FGF12: variants seen among roughly 807,000 people sequenced by gnomAD.
FGF12 encodes fibroblast growth factor 12B.
In FGF12, 14 loss-of-function variants were observed where a neutral mutation model predicts 23.6. That is an observed-to-expected ratio of 0.59 (90% CI 0.39 to 0.93). FGF12 has a LOEUF of 0.93. Among genes scored for constraint, FGF12 ranks in the 40% least tolerant of loss-of-function variants. The pLI, the probability that FGF12 is intolerant of heterozygous loss-of-function variation, is 0.00. For synonymous variants in FGF12, 62 were observed against 77.3 expected, an observed-to-expected ratio of 0.80 and a Z score of 1.04; for missense variants, 175 against 217.8, an observed-to-expected ratio of 0.80 and a Z score of 1.24.
intron 4 of FGF12, among the ~76,000 whole-genome samples, chr3:192,253,387 A>G (rs1036174150): frequency 6.6e-6 from 1 of 152,062 alleles, no homozygotes; most frequent in African/African-American, 2.4e-5. Flanking sequence ...CGCATATTAC[A>G]TAAGTACTTA....
intron 2 of FGF12, among the ~76,000 whole-genome samples, chr3:192,537,937 T>G (rs967894767): frequency 6.7e-6 from 1 of 150,094 alleles, no homozygotes; most frequent in Non-Finnish European, 1.5e-5. Flanking sequence ...GGTCTTAGAT[T>G]TAAGCCTTTA....
intron 2 of FGF12, among the ~76,000 whole-genome samples, chr3:192,606,557 T>G (rs1714345673): frequency 6.6e-6 from 1 of 152,106 alleles, no homozygotes; most frequent in African/African-American, 2.4e-5. Flanking sequence ...TAATAATAAA[T>G]TAGTGCACAT....
chr3:192,313,875 T>A (rs1347585328), intron 4 of FGF12, among the ~76,000 whole-genome samples: 1 of 152,244 alleles, frequency 6.6e-6, no homozygotes, highest in African/African-American at 2.4e-5. Flanking sequence ...CTATGGACTG[T>A]AAGTCTCTAT....
intron 4 of FGF12, among the ~76,000 whole-genome samples, chr3:192,263,277 A>C (rs1712875437): frequency 6.6e-6 from 1 of 152,108 alleles, no homozygotes; most frequent in East Asian, 1.9e-4. Context: ...ATTTAGTATC[A>C]AGGCATTGAT....
intron 2 of FGF12, among the ~76,000 whole-genome samples, chr3:192,404,682 G>T (rs184301071): frequency 9.9e-5 from 15 of 152,200 alleles, no homozygotes; most frequent in Admixed American, 3.3e-4. Flanking sequence ...TGTTCTAAAG[G>T]CTTTTTCATG....
intron 2 of FGF12, among the ~76,000 whole-genome samples, chr3:192,386,591 A>G (rs947358737): frequency 6.6e-6 from 1 of 152,188 alleles, no homozygotes; most frequent in African/African-American, 2.4e-5. Flanking sequence ...AATAAATATG[A>G]GTATGAAAGT....
chr3:192,701,289 A>C (rs150639593), intron 2 of FGF12, among the ~76,000 whole-genome samples: 1 of 152,156 alleles, frequency 6.6e-6, no homozygotes, highest in African/African-American at 2.4e-5. Context: ...ACCAACATAC[A>C]TCTTACAGGT....
intron 2 of FGF12, among the ~76,000 whole-genome samples, chr3:192,562,147 A>T (rs900929213): frequency 2.0e-5 from 3 of 152,208 alleles, no homozygotes; most frequent in Admixed American, 2.0e-4. Context: ...GTTTCAAAAT[A>T]GTATAGACTG....
intron 4 of FGF12, among the ~76,000 whole-genome samples, chr3:192,256,914 G>A (rs1391467266): frequency 6.6e-6 from 1 of 152,052 alleles, no homozygotes; most frequent in Non-Finnish European, 1.5e-5. Flanking sequence ...ATTAATATTT[G>A]TTTTCACCAT....
intron 4 of FGF12, among the ~76,000 whole-genome samples, chr3:192,319,632 A>G (rs989662010): frequency 2.0e-5 from 3 of 152,014 alleles, no homozygotes; most frequent in Non-Finnish European, 2.9e-5. Context: ...ATAACTACAA[A>G]AACCTTTCAA....
At chr3:192,495,830 A>G (rs1723939039) in intron 2 of FGF12, among the ~76,000 whole-genome samples, 3 of 151,944 alleles carry the variant, frequency 2.0e-5, no homozygotes, top group African/African-American at 7.3e-5. Context: ...ACCCCCAACT[A>G]ATTTATATAT....
chr3:192,433,935 G>T (rs368628920), intron 2 of FGF12, among the ~76,000 whole-genome samples: 2 of 152,254 alleles, frequency 1.3e-5, no homozygotes, highest in African/African-American at 4.8e-5. Flanking sequence ...CATCAGGAGG[G>T]CTGGCAATGA....
chr3:192,222,766 T>C (rs1718541230), intron 4 of FGF12, among the ~76,000 whole-genome samples: 1 of 152,166 alleles, frequency 6.6e-6, no homozygotes, highest in African/African-American at 2.4e-5. Flanking sequence ...GGTAAATCTA[T>C]TCCATCAAAA....
intron 4 of FGF12, among the ~76,000 whole-genome samples, chr3:192,306,825 G>A (rs1242256961): frequency 6.6e-5 from 10 of 152,134 alleles, no homozygotes; most frequent in Non-Finnish European, 1.5e-4. Flanking sequence ...GATTTAAAAG[G>A]TCCAGCCTGT....
At chr3:192,671,295 GT>G (rs772576758) in intron 2 of FGF12, among the ~76,000 whole-genome samples, 1 of 152,176 alleles carries the variant, frequency 6.6e-6, no homozygotes, top group Non-Finnish European at 1.5e-5. Context: ...GTAAAATAAT[GT>G]TTTGCAGGGG....
chr3:192,675,096 T>C (rs1295862748), intron 2 of FGF12, among the ~76,000 whole-genome samples: 1 of 152,172 alleles, frequency 6.6e-6, no homozygotes, highest in Non-Finnish European at 1.5e-5. Context: ...AGTATCACTT[T>C]GGAGACAGTC....
intron 4 of FGF12, among the ~76,000 whole-genome samples, chr3:192,291,085 C>G (rs145901641): frequency 6.6e-6 from 1 of 152,234 alleles, no homozygotes; most frequent in East Asian, 1.9e-4. Context: ...GTCTCCAGTT[C>G]ATGGACTGTA....
intron 2 of FGF12, among the ~76,000 whole-genome samples, chr3:192,470,288 G>A (rs1466586550): frequency 6.6e-6 from 1 of 152,096 alleles, no homozygotes; most frequent in Non-Finnish European, 1.5e-5. Context: ...AATTCAAAAC[G>A]ACATGCGAGA....
chr3:192,703,787 TGAGA>T (rs1168693232), intron 2 of FGF12, among the ~76,000 whole-genome samples: 1 of 152,208 alleles, frequency 6.6e-6, no homozygotes, highest in Non-Finnish European at 1.5e-5. Context: ...CTCATTATAG[TGAGA>T]GAGTTCTCAG....
Sources: allele counts gnomAD v4.1 joint callset (sites outside exome capture counted in the v4.1 genomes callset), GRCh38; gene constraint gnomAD v4.1.1; transcripts MANE v1.5; gene names NCBI Gene and HGNC (gene_info 2026-07-23, HGNC 2026-07-21).